Variants in GLIS3 observed in about 807,000 individuals in gnomAD.
The protein encoded by GLIS3 is zinc finger protein GLIS3.
Under a neutral mutation model 78.6 loss-of-function variants are expected in GLIS3, and 53 were observed. That is an observed-to-expected ratio of 0.67 (90% CI 0.54 to 0.85). The LOEUF (loss-of-function observed/expected upper bound fraction) is 0.85. Among genes scored for constraint, GLIS3 ranks in the 40% least tolerant of loss-of-function variants. The pLI is 0.00. For missense variants in GLIS3, 1,703 were observed against 1,231.1 expected (o/e 1.38, Z -5.74); for synonymous variants, 684 against 509.9 (o/e 1.34, Z -4.60).
intron 2 of GLIS3, among the ~76,000 whole-genome samples, chr9:4,315,133 G>C (rs541715939): frequency 6.6e-6 from 1 of 152,348 alleles, no homozygotes; most frequent in East Asian, 1.9e-4. Context: ...AGAAGAGAAA[G>C]AGTCTAATTT....
chr9:4,421,793 T>G, the GLIS3 span, among the ~76,000 whole-genome samples: 1 of 152,204 alleles, frequency 6.6e-6, no homozygotes, highest in Non-Finnish European at 1.5e-5. Context: ...GGTGCTAGTG[T>G]TAAAATAGTG....
the GLIS3 span, among the ~76,000 whole-genome samples, chr9:4,455,601 T>G: frequency 6.6e-6 from 1 of 152,162 alleles, no homozygotes; most frequent in South Asian, 2.1e-4. Context: ...TTGTAGGATT[T>G]CTCCAGTCGC....
At chr9:4,390,626 A>G in the GLIS3 span, among the ~76,000 whole-genome samples, 1 of 152,108 alleles carries the variant, frequency 6.6e-6, no homozygotes. Flanking sequence ...ATCTGTGGTG[A>G]CCCTCTGAAG....
rs866745569 is a variant in GLIS3 at position 3,824,875 on chromosome 9, A to T, written c.*3397T>A. 6.8e-6 allele frequency: 1 copy of T among 148,108 alleles called. No homozygotes were observed. The highest frequency in any genetic ancestry group is 1.5e-5 in the Non-Finnish European group (1 of 67,378). The allele number at this position is 148,108 out of a possible 1,614,324, so 9.2% of individuals were successfully genotyped here. A position where few individuals can be genotyped will look rare whatever the true frequency, so the allele number is the denominator to read the frequency against. On this transcript the variant is annotated 3_prime_UTR_variant, in exon 11 of 11. Coordinates refer to ENST00000381971, the MANE Select transcript of GLIS3 (RefSeq NM_001042413.2). ...ACAAAATAAATCTCTTTTTACACTC[A>T]CTATTTCTCCAATGAGTGCTTTTTT...
At chr9:4,424,596 C>T in the GLIS3 span, among the ~76,000 whole-genome samples, 8 of 152,132 alleles carry the variant, frequency 5.3e-5, no homozygotes, top group African/African-American at 1.9e-4. Context: ...CAGAATTTCG[C>T]TCTGTCATCC....
intron 2 of GLIS3, among the ~76,000 whole-genome samples, chr9:4,189,820 T>A (rs1818161928): frequency 6.6e-6 from 1 of 151,370 alleles, no homozygotes; most frequent in Non-Finnish European, 1.5e-5. Flanking sequence ...TTGCAACCCC[T>A]GCCTTTTTTT....
chr9:4,207,739 G>C (rs1439189863), intron 2 of GLIS3, among the ~76,000 whole-genome samples: 1 of 152,176 alleles, frequency 6.6e-6, no homozygotes, highest in Non-Finnish European at 1.5e-5. Context: ...CAGCTCATGA[G>C]TAGCAGATGG....
intron 4 of GLIS3, among the ~76,000 whole-genome samples, chr9:3,987,872 C>G (rs1819900896): frequency 6.8e-6 from 1 of 148,068 alleles, no homozygotes; most frequent in African/African-American, 2.5e-5. Context: ...TAAAACACAT[C>G]ATAATTAAAA....
At chr9:3,991,503 A>G (rs1010840339) in intron 4 of GLIS3, among the ~76,000 whole-genome samples, 3 of 152,164 alleles carry the variant, frequency 2.0e-5, no homozygotes, top group Non-Finnish European at 4.4e-5. Flanking sequence ...ACTCAGAAAA[A>G]TTAAACACGT....
intron 4 of GLIS3, among the ~76,000 whole-genome samples, chr9:4,032,929 C>CTG (rs368218022): frequency 0.019 from 2,908 of 152,084 alleles, 114 homozygotes; most frequent in African/African-American, 0.065. Context: ...TCTCGGCTCA[C>CTG]TGCAAGCTCC....
chr9:4,104,485 T>C (rs1010969086), intron 4 of GLIS3, among the ~76,000 whole-genome samples: 1 of 152,182 alleles, frequency 6.6e-6, no homozygotes, highest in Non-Finnish European at 1.5e-5. Context: ...AGGTTTGGTC[T>C]TCCAACTTCC....
At chr9:4,052,467 T>C (rs893276534) in intron 4 of GLIS3, among the ~76,000 whole-genome samples, 1 of 152,130 alleles carries the variant, frequency 6.6e-6, no homozygotes. Flanking sequence ...GAAAGCCCTA[T>C]AGCCATTTAG....
chr9:4,236,216 G>GAAAT (rs1303300689), intron 2 of GLIS3, among the ~76,000 whole-genome samples: 1 of 125,024 alleles, frequency 8.0e-6, no homozygotes, highest in Non-Finnish European at 1.7e-5. Context: ...AAGAAAGAAA[G>GAAAT]AAAGAAAGGA....
chr9:4,179,111 G>C (rs192005730), intron 2 of GLIS3, among the ~76,000 whole-genome samples: 1 of 152,062 alleles, frequency 6.6e-6, no homozygotes, highest in Non-Finnish European at 1.5e-5. Flanking sequence ...ACATTGTTTC[G>C]CCTCGGTATC....
At chr9:4,465,867 T>G in the GLIS3 span, among the ~76,000 whole-genome samples, 1 of 152,190 alleles carries the variant, frequency 6.6e-6, no homozygotes, top group Non-Finnish European at 1.5e-5. Flanking sequence ...GAAAACATAA[T>G]TTAAAAATCT....
chr9:4,321,347 A>C (rs12235808), intron 2 of GLIS3, among the ~76,000 whole-genome samples: 1 of 84,938 alleles, frequency 1.2e-5, no homozygotes, highest in Non-Finnish European at 2.1e-5. Context: ...GCGTGAACCC[A>C]GGAGGCGGAG....
chr9:4,063,134 C>T (rs1214775903), intron 4 of GLIS3, among the ~76,000 whole-genome samples: 1 of 152,000 alleles, frequency 6.6e-6, no homozygotes, highest in Non-Finnish European at 1.5e-5. Context: ...TGAGTCAGCA[C>T]CACCTTATGT....
intron 1 of GLIS3, among the ~76,000 whole-genome samples, chr9:4,293,229 C>G (rs1816180258): frequency 6.6e-6 from 1 of 152,172 alleles, no homozygotes; most frequent in Admixed American, 6.5e-5. Flanking sequence ...AAAAGGGTAA[C>G]AAACATCTAC....
the GLIS3 span, among the ~76,000 whole-genome samples, chr9:4,408,933 C>A: frequency 6.6e-6 from 1 of 151,614 alleles, no homozygotes; most frequent in Non-Finnish European, 1.5e-5. Context: ...CATACCTGTG[C>A]CAAAATATCT....
Sources: gnomAD v4.1 joint callset for allele counts (sites outside exome capture counted in the v4.1 genomes callset) on GRCh38, gnomAD v4.1.1 for gene constraint, MANE v1.5 for transcripts, NCBI Gene and HGNC (gene_info 2026-07-23, HGNC 2026-07-21) for gene names.